Variants in SDK1 observed in about 807,000 individuals in gnomAD.
SDK1 encodes protein sidekick-1.
In SDK1, 157 loss-of-function variants were observed where a neutral mutation model predicts 245.5. That is an observed-to-expected ratio of 0.64 (90% CI 0.56 to 0.73). The LOEUF is 0.73. Ranked by LOEUF, SDK1 falls within the 30% of genes least tolerant of loss-of-function variation. SDK1 has a pLI of 0.00. For synonymous variants in SDK1, 1,647 were observed against 1,278.5 expected (o/e 1.29, Z -6.15); for missense variants, 3,583 against 3,002.3 (o/e 1.19, Z -4.52).
At chr7:4,006,147 T>C (rs1052718960) in intron 14 of SDK1, among the ~76,000 whole-genome samples, 10 of 152,352 alleles carry the variant, frequency 6.6e-5, no homozygotes, top group Admixed American at 5.9e-4. Flanking sequence ...CTGATAATGC[T>C]CTTTTTTATT....
At chr7:3,570,095 C>G (rs1452427369) in intron 1 of SDK1, among the ~76,000 whole-genome samples, 3 of 152,196 alleles carry the variant, frequency 2.0e-5, no homozygotes, top group Admixed American at 1.3e-4. Flanking sequence ...CTCTGTGTCA[C>G]CACCAGTGTC....
At position 3,473,754 on chromosome 7, in the gene SDK1, T is replaced by G. The variant is rs1246064664; in HGVS notation, c.299-145326T>G. 3.3e-5 allele frequency among the ~76,000 whole-genome samples: 5 copies of G among 152,162 alleles called. No homozygotes were observed. In the South Asian group the frequency reaches 8.3e-4, roughly 25 times the overall value. On this transcript the variant is annotated intron_variant, in intron 1 of 44. Transcript: ENST00000404826. The stretch of plus-strand genomic sequence containing the variant: ...GCTGCCTCCTACACAGAGCCCTGGC[T>G]CCCACAGTAGGTTAATATGTGTAAT...
chr7:3,993,041 A>G (rs1784456339), intron 14 of SDK1, among the ~76,000 whole-genome samples: 1 of 152,214 alleles, frequency 6.6e-6, no homozygotes, highest in Non-Finnish European at 1.5e-5. Context: ...GTTCCCTCAT[A>G]AATTAATGAC....
chr7:3,959,520 C>T lies in SDK1; in HGVS notation c.1234+506C>T, dbSNP rs141285141. Among the ~76,000 whole-genome samples, 236 of 152,280 alleles carry T rather than the reference C, an allele frequency of 1.5e-3. 1 individual carries two copies. Among genetic ancestry groups the T allele is most frequent in the African/African-American group, 5.3e-3 (219 of 41,556 alleles). On this transcript the variant is annotated intron_variant, in intron 8 of 44. Transcript: ENST00000404826. ...GTGAAGCCAAAGCTGGGAGTGCGTC[C>T]GTCACTGGAGTGATGTACCCTGTAC...
At chr7:4,049,488 G>A (rs749821584) in intron 18 of SDK1, 25 bp downstream of exon 18, 5 of 1,544,546 alleles carry the variant, frequency 3.2e-6, no homozygotes, top group South Asian at 1.1e-5. Flanking sequence ...TTCAGGGCCT[G>A]TGGGCAGCTG....
intron 1 of SDK1, among the ~76,000 whole-genome samples, chr7:3,566,110 A>T (rs1212857243): frequency 6.6e-6 from 1 of 152,206 alleles, no homozygotes; most frequent in African/African-American, 2.4e-5. Context: ...CTGAGTAAAT[A>T]GAGTTTTTAT....
chr7:4,172,504 G>T (rs376309504), intron 32 of SDK1, among the ~76,000 whole-genome samples: 9 of 152,166 alleles, frequency 5.9e-5, no homozygotes, highest in Non-Finnish European at 1.2e-4. Flanking sequence ...AAGAAAAAGC[G>T]ATTTCTCTAA....
intron 32 of SDK1, among the ~76,000 whole-genome samples, chr7:4,163,855 A>G (rs1344927661): frequency 6.6e-6 from 1 of 152,126 alleles, no homozygotes; most frequent in Non-Finnish European, 1.5e-5. Flanking sequence ...AAATATGACC[A>G]TGTTTGAGGT....
chr7:3,601,714 A>G (rs1331247999), intron 1 of SDK1, among the ~76,000 whole-genome samples: 7 of 151,768 alleles, frequency 4.6e-5, no homozygotes, highest in Admixed American at 1.3e-4. Context: ...TTTAGGGTAC[A>G]TGTGCACAAC....
intron 5 of SDK1, among the ~76,000 whole-genome samples, chr7:3,859,481 C>T (rs1287417362): frequency 6.6e-6 from 1 of 152,056 alleles, no homozygotes; most frequent in Non-Finnish European, 1.5e-5. Flanking sequence ...TAGGTGCCCA[C>T]TGTGGCTCAT....
chr7:4,070,776 C>T (rs1780204569), intron 20 of SDK1, among the ~76,000 whole-genome samples: 1 of 151,240 alleles, frequency 6.6e-6, no homozygotes, highest in South Asian at 2.1e-4. Context: ...GTGGCACAAT[C>T]TCAGCTCACT....
intron 13 of SDK1, 199 bp downstream of exon 13, chr7:3,974,744 T>G (rs530569846): frequency 1.8e-4 from 98 of 539,422 alleles, no homozygotes; most frequent in African/African-American, 1.6e-3. Context: ...ATTGAGAAGT[T>G]TCGTTTTTGG....
At chr7:3,358,186 T>G (rs1780857869) in intron 1 of SDK1, among the ~76,000 whole-genome samples, 1 of 152,070 alleles carries the variant, frequency 6.6e-6, no homozygotes, top group African/African-American at 2.4e-5. Flanking sequence ...CACCCCCAGC[T>G]AATTTTTGTA....
intron 11 of SDK1, among the ~76,000 whole-genome samples, chr7:3,970,337 C>T (rs1346518935): frequency 6.6e-6 from 1 of 152,206 alleles, no homozygotes; most frequent in Non-Finnish European, 1.5e-5. Flanking sequence ...AACGACTCTT[C>T]CTAATTTGTA....
chr7:3,612,387 G>C (rs1326832171), intron 1 of SDK1, among the ~76,000 whole-genome samples: 1 of 152,046 alleles, frequency 6.6e-6, no homozygotes, highest in Non-Finnish European at 1.5e-5. Flanking sequence ...CATAATTGTT[G>C]TCCTTAAAAA....
At chr7:3,913,236 C>G (rs1220080483) in intron 5 of SDK1, among the ~76,000 whole-genome samples, 1 of 151,612 alleles carries the variant, frequency 6.6e-6, no homozygotes, top group East Asian at 1.9e-4. Flanking sequence ...GGCTCCCGGT[C>G]TTCTTGCCTC....
chr7:3,400,982 G>A (rs1352035463), intron 1 of SDK1, among the ~76,000 whole-genome samples: 1 of 152,122 alleles, frequency 6.6e-6, no homozygotes, highest in Non-Finnish European at 1.5e-5. Flanking sequence ...GATGAGAAGG[G>A]AAGGGACAGC....
At chr7:3,931,606 C>A (rs1012825751) in intron 5 of SDK1, among the ~76,000 whole-genome samples, 2 of 152,192 alleles carry the variant, frequency 1.3e-5, no homozygotes, top group African/African-American at 4.8e-5. Flanking sequence ...GTGGGGTACA[C>A]CCTAAGCTCC....
chr7:3,455,987 G>C (rs1481231670), intron 1 of SDK1, among the ~76,000 whole-genome samples: 1 of 152,114 alleles, frequency 6.6e-6, no homozygotes, highest in African/African-American at 2.4e-5. Context: ...CATTCCTCAA[G>C]GGTGATTTCA....
Sources: gnomAD v4.1 joint callset for allele counts (sites outside exome capture counted in the v4.1 genomes callset) on GRCh38, gnomAD v4.1.1 for gene constraint, MANE v1.5 for transcripts, NCBI Gene and HGNC (gene_info 2026-07-23, HGNC 2026-07-21) for gene names.